GPR137C: variants seen among roughly 807,000 people sequenced by gnomAD.
GPR137C encodes integral membrane protein GPR137C.
A neutral mutation model predicts 43.4 loss-of-function variants in GPR137C; 27 were observed. The observed-to-expected ratio is 0.62, with a 90% confidence interval of 0.46 to 0.86. The LOEUF is 0.86. GPR137C is among the 40% of genes least tolerant of loss of function. The pLI, the probability that GPR137C is intolerant of heterozygous loss-of-function variation, is 0.00. For synonymous variants in GPR137C, 285 were observed against 226.9 expected (o/e 1.26, Z -2.30); for missense variants, 522 against 534.6 (o/e 0.98, Z 0.23).
At chr14:52,618,348 A>G (rs1040096078) in intron 3 of GPR137C, among the ~76,000 whole-genome samples, 10 of 152,168 alleles carry the variant, frequency 6.6e-5, no homozygotes, top group African/African-American at 2.2e-4. Context: ...TTTTGTTTGC[A>G]TTGACATGAT....
rs1195773636 is a variant in GPR137C at position 52,553,321 on chromosome 14, C to T, written c.174C>T (p.Ala58=). Residue 58 remains alanine, a synonymous_variant, in exon 1 of 7, where the codon GCC becomes GCT. Coordinates refer to ENST00000321662, the MANE Select transcript of GPR137C (RefSeq NM_001099652.2). ...GCGTCCTGCACGCCCTGCTCTACGCCGCGCTGTTCGCCTTTGCCTACCTGC... is the reference window on the plus strand; with the variant it reads ...GCGTCCTGCACGCCCTGCTCTACGCTGCGCTGTTCGCCTTTGCCTACCTGC... ...ALSVLHALLY[A]ALFAFAYLQL... The T allele has an allele frequency of 6.3e-7, 1 of 1,588,236 alleles. No homozygotes were observed. The highest frequency in any genetic ancestry group is 8.5e-7 in the Non-Finnish European group (1 of 1,172,954).
At chr14:52,561,277 T>C (rs2038279210) in intron 1 of GPR137C, among the ~76,000 whole-genome samples, 1 of 152,162 alleles carries the variant, frequency 6.6e-6, no homozygotes, top group Admixed American at 6.5e-5. Flanking sequence ...TGGAAAACAG[T>C]TTAGCAGTTG....
chr14:52,591,145 T>A (rs561329358), intron 1 of GPR137C, among the ~76,000 whole-genome samples: 2 of 152,204 alleles, frequency 1.3e-5, no homozygotes, highest in Non-Finnish European at 2.9e-5. Context: ...CCCATGTCCC[T>A]GCAAAGGACA....
chr14:52,578,614 T>C (rs1348979686), intron 1 of GPR137C, among the ~76,000 whole-genome samples: 1 of 152,188 alleles, frequency 6.6e-6, no homozygotes, highest in Non-Finnish European at 1.5e-5. Context: ...TTTTGAGCTA[T>C]CTGGTTATCC....
chr14:52,635,235 T>C lies in GPR137C; in HGVS notation c.*120T>C, dbSNP rs2039340135. On this transcript the variant is annotated 3_prime_UTR_variant, in exon 7 of 7. Coordinates refer to ENST00000321662, the MANE Select transcript of GPR137C (RefSeq NM_001099652.2). ...TGCAACTGAAAACAAAATCTGGAAG[T>C]GTGGCTGTGTTTGGTAAATAACACA... 1 of 758,616 alleles carries C rather than the reference T, an allele frequency of 1.3e-6. No homozygotes were observed. 47.0% of individuals were successfully genotyped at this position (758,616 alleles called of 1,614,324 possible).
intron 3 of GPR137C, among the ~76,000 whole-genome samples, chr14:52,629,714 T>C (rs756574116): frequency 6.6e-6 from 1 of 152,176 alleles, no homozygotes; most frequent in African/African-American, 2.4e-5. Context: ...GAGGGAACTT[T>C]CTGGAATGAT....
At chr14:52,603,573 G>T (rs563300517) in intron 3 of GPR137C, among the ~76,000 whole-genome samples, 3 of 151,896 alleles carry the variant, frequency 2.0e-5, no homozygotes, top group Non-Finnish European at 2.9e-5. Flanking sequence ...TTGCTCTTTC[G>T]CTGAGGCTGG....
intron 1 of GPR137C, among the ~76,000 whole-genome samples, chr14:52,558,406 G>A (rs2038227812): frequency 6.6e-6 from 1 of 152,158 alleles, no homozygotes; most frequent in Admixed American, 6.5e-5. Flanking sequence ...TCTTCCCTGG[G>A]AATGCAAAAT....
At position 52,635,010 on chromosome 14, in the gene GPR137C, T is replaced by C. The variant is rs1421760908; in HGVS notation, c.1185T>C (p.Thr395=). The C allele has an allele frequency of 6.2e-7, 1 of 1,612,800 alleles. No homozygotes were observed. Among genetic ancestry groups the C allele is most frequent in the Admixed American group, 1.7e-5 (1 of 59,792 alleles). The change falls in exon 7 of 7, where the codon ACT becomes ACC. Residue 395 remains threonine (T), a synonymous_variant. Transcript: ENST00000321662. ...GTGGCAGCAGCAGTTACACAGTCAC[T>C]CCCCACCTGAATGGACCTATGACAG... The part of the protein sequence containing the change: ...TGCGSSSYTV[T]PHLNGPMTDT...
At chr14:52,597,188 A>C (rs923001094) in intron 1 of GPR137C, among the ~76,000 whole-genome samples, 1 of 151,826 alleles carries the variant, frequency 6.6e-6, no homozygotes, top group Non-Finnish European at 1.5e-5. Context: ...CTTACCTCAT[A>C]CCCTTTCTTG....
At chr14:52,580,959 G>A (rs1319895607) in intron 1 of GPR137C, among the ~76,000 whole-genome samples, 2 of 150,686 alleles carry the variant, frequency 1.3e-5, no homozygotes, top group African/African-American at 4.9e-5. Flanking sequence ...AGCACTTTGG[G>A]AGGCTGAGAC....
chr14:52,557,074 C>T (rs187135684), intron 1 of GPR137C, among the ~76,000 whole-genome samples: 1 of 152,130 alleles, frequency 6.6e-6, no homozygotes, highest in African/African-American at 2.4e-5. Flanking sequence ...AGTCAACTTA[C>T]AGGTTCATTT....
chr14:52,555,127 T>C (rs1246773247), intron 1 of GPR137C, among the ~76,000 whole-genome samples: 1 of 152,148 alleles, frequency 6.6e-6, no homozygotes, highest in Non-Finnish European at 1.5e-5. Flanking sequence ...TTCTCAACGC[T>C]GAAGCTTTTA....
At chr14:52,596,328 G>A (rs1054001336) in intron 1 of GPR137C, among the ~76,000 whole-genome samples, 10 of 152,250 alleles carry the variant, frequency 6.6e-5, no homozygotes, top group Admixed American at 6.5e-4. Flanking sequence ...CAAACTCCGT[G>A]CTGGGAGAAT....
At chr14:52,580,432 G>A (rs751242297) in intron 1 of GPR137C, among the ~76,000 whole-genome samples, 1 of 152,000 alleles carries the variant, frequency 6.6e-6, no homozygotes, top group Admixed American at 6.6e-5. Flanking sequence ...GCACGATCTC[G>A]GCTCACTGCA....
chr14:52,566,594 C>T (rs1315975757), intron 1 of GPR137C, among the ~76,000 whole-genome samples: 2 of 152,172 alleles, frequency 1.3e-5, no homozygotes, highest in Admixed American at 1.3e-4. Context: ...GGACTGACAG[C>T]AGTAACTTAA....
At chr14:52,624,900 A>G (rs1036857725) in intron 3 of GPR137C, among the ~76,000 whole-genome samples, 1 of 152,192 alleles carries the variant, frequency 6.6e-6, no homozygotes, top group African/African-American at 2.4e-5. Context: ...GACTATCACT[A>G]AACATCTTAC....
chr14:52,562,070 A>G (rs998773801), intron 1 of GPR137C, among the ~76,000 whole-genome samples: 1 of 152,228 alleles, frequency 6.6e-6, no homozygotes, highest in African/African-American at 2.4e-5. Flanking sequence ...CTGCAGCTCC[A>G]TCATCTAATT....
At position 52,635,402 on chromosome 14, in the gene GPR137C, A is replaced by G. The variant is rs2039342357; in HGVS notation, c.*287A>G. On this transcript the variant is annotated 3_prime_UTR_variant, in exon 7 of 7. Coordinates refer to ENST00000321662, the MANE Select transcript of GPR137C (RefSeq NM_001099652.2). ...ACATCAAATGCATATGTGCACTTTT[A>G]TCTTTGTTCTGAGTCACTGCAGTCC... 3.7e-6 allele frequency: 1 copy of G among 266,740 alleles called. No individual in the cohort carries two copies. Among genetic ancestry groups the G allele is most frequent in the South Asian group, 7.0e-5 (1 of 14,294 alleles). The allele number at this position is 266,740 out of a possible 1,614,324, so 16.5% of individuals were successfully genotyped here.
Sources: allele counts gnomAD v4.1 joint callset (sites outside exome capture counted in the v4.1 genomes callset), GRCh38; gene constraint gnomAD v4.1.1; transcripts MANE v1.5; gene names NCBI Gene and HGNC (gene_info 2026-07-23, HGNC 2026-07-21).